Variants in WDR7 observed in about 807,000 individuals in gnomAD.
WDR7 encodes WD repeat domain 7.
Under a neutral mutation model 169.4 loss-of-function variants are expected in WDR7, and 46 were observed. The ratio of observed to expected loss-of-function variants is 0.27; its 90% CI spans 0.21 to 0.35. The LOEUF (loss-of-function observed/expected upper bound fraction) is 0.35. Among genes scored for constraint, WDR7 ranks in the 10% least tolerant of loss-of-function variants. The pLI, the probability that WDR7 is intolerant of heterozygous loss-of-function variation, is 1.00. For missense variants in WDR7, 1,534 were observed against 1,859.3 expected, an observed-to-expected ratio of 0.83 and a Z score of 3.22; for synonymous variants, 612 against 666.8, an observed-to-expected ratio of 0.92 and a Z score of 1.27.
intron 20 of WDR7, among the ~76,000 whole-genome samples, chr18:56,846,628 G>C (rs1273668004): frequency 6.6e-6 from 1 of 152,116 alleles, no homozygotes; most frequent in Admixed American, 6.5e-5. Context: ...AAATGGCTTG[G>C]TGCCATCTCG....
chr18:57,006,844 T>G (rs1266299155), intron 26 of WDR7, among the ~76,000 whole-genome samples: 1 of 152,134 alleles, frequency 6.6e-6, no homozygotes, highest in African/African-American at 2.4e-5. Context: ...ATTTGGTTAA[T>G]TTTTTTGTGT....
intron 22 of WDR7, among the ~76,000 whole-genome samples, chr18:56,928,003 A>G (rs1464232024): frequency 6.6e-6 from 1 of 152,206 alleles, no homozygotes; most frequent in Non-Finnish European, 1.5e-5. Context: ...TGGATCTGTC[A>G]TTTGAGTAGT....
intron 26 of WDR7, among the ~76,000 whole-genome samples, chr18:56,972,394 A>C (rs557691984): frequency 3.9e-4 from 60 of 152,354 alleles, no homozygotes; most frequent in African/African-American, 1.4e-3. Context: ...ACTGAGCAGA[A>C]GTCTATAACG....
intron 19 of WDR7, among the ~76,000 whole-genome samples, chr18:56,792,789 C>G (rs2044514389): frequency 6.6e-6 from 1 of 151,564 alleles, no homozygotes; most frequent in Non-Finnish European, 1.5e-5. Flanking sequence ...CACACACACA[C>G]ACAGACACAC....
At chr18:56,782,413 A>G (rs1042775589) in intron 19 of WDR7, among the ~76,000 whole-genome samples, 1 of 152,106 alleles carries the variant, frequency 6.6e-6, no homozygotes, top group Non-Finnish European at 1.5e-5. Context: ...CTAAATTATA[A>G]TCAATATAAT....
At chr18:57,023,200 A>C (rs1273096292) in intron 27 of WDR7, among the ~76,000 whole-genome samples, 2 of 152,218 alleles carry the variant, frequency 1.3e-5, no homozygotes. Context: ...TAAGAGTCCA[A>C]AAAACAGTAT....
chr18:56,926,877 G>T (rs374995724), intron 22 of WDR7, among the ~76,000 whole-genome samples: 2 of 152,316 alleles, frequency 1.3e-5, no homozygotes, highest in East Asian at 3.9e-4. Flanking sequence ...GCCTGAGATG[G>T]TGGGAAGTGG....
intron 1 of WDR7, among the ~76,000 whole-genome samples, chr18:56,660,851 G>T (rs1259847242): frequency 6.6e-6 from 1 of 152,166 alleles, no homozygotes; most frequent in Non-Finnish European, 1.5e-5. Context: ...TTTAACAGTG[G>T]GGAGGTCATT....
chr18:56,978,100 C>T (rs2047592975), intron 26 of WDR7, among the ~76,000 whole-genome samples: 2 of 152,180 alleles, frequency 1.3e-5, no homozygotes, highest in South Asian at 4.1e-4. Context: ...AGCAGTTTGT[C>T]ATTCATTGGT....
At chr18:56,759,620 C>T (rs955132982) in intron 16 of WDR7, among the ~76,000 whole-genome samples, 1 of 152,076 alleles carries the variant, frequency 6.6e-6, no homozygotes, top group African/African-American at 2.4e-5. Context: ...GTTATGTCTA[C>T]TTAGAGAACT....
At chr18:56,752,604 G>T (rs2043813290) in intron 14 of WDR7, among the ~76,000 whole-genome samples, 1 of 152,188 alleles carries the variant, frequency 6.6e-6, no homozygotes, top group Non-Finnish European at 1.5e-5. Context: ...CTGGGGGAAT[G>T]AATGAATTAA....
intron 20 of WDR7, among the ~76,000 whole-genome samples, chr18:56,877,414 A>G (rs2046038605): frequency 1.3e-5 from 2 of 152,184 alleles, no homozygotes; most frequent in Admixed American, 1.3e-4. Context: ...TTTAGAGGAG[A>G]ACTTTCATGA....
At chr18:56,825,780 G>A (rs1237175146) in intron 20 of WDR7, among the ~76,000 whole-genome samples, 1 of 152,130 alleles carries the variant, frequency 6.6e-6, no homozygotes, top group Non-Finnish European at 1.5e-5. Flanking sequence ...TGTTTGAAAT[G>A]TGAAGAAAAT....
intron 12 of WDR7, among the ~76,000 whole-genome samples, chr18:56,700,485 G>A (rs2025804379): frequency 6.6e-6 from 1 of 150,584 alleles, no homozygotes; most frequent in Admixed American, 6.6e-5. Flanking sequence ...TCGATCTCTC[G>A]ACCTCGTGAT....
intron 25 of WDR7, among the ~76,000 whole-genome samples, chr18:56,948,675 C>T (rs927949117): frequency 1.2e-4 from 19 of 152,286 alleles, no homozygotes; most frequent in Admixed American, 6.5e-4. Flanking sequence ...TGACTTACTG[C>T]CTCCTGTCCT....
intron 16 of WDR7, among the ~76,000 whole-genome samples, chr18:56,762,684 A>G (rs755099799): frequency 2.6e-5 from 4 of 152,010 alleles, no homozygotes; most frequent in African/African-American, 4.8e-5. Context: ...CAATCTTATT[A>G]GTCATTTTAA....
intron 26 of WDR7, among the ~76,000 whole-genome samples, chr18:56,972,655 T>C (rs1396499933): frequency 2.0e-5 from 3 of 152,144 alleles, no homozygotes; most frequent in Non-Finnish European, 4.4e-5. Context: ...AAGCTACTAG[T>C]TTTAAAAGTG....
At chr18:56,768,660 T>G (rs2044105537) in intron 16 of WDR7, among the ~76,000 whole-genome samples, 1 of 152,204 alleles carries the variant, frequency 6.6e-6, no homozygotes, top group Non-Finnish European at 1.5e-5. Context: ...TTCATCTTTC[T>G]ACTTTGGCTT....
intron 18 of WDR7, among the ~76,000 whole-genome samples, chr18:56,781,149 T>C (rs1175438069): frequency 6.6e-6 from 1 of 152,084 alleles, no homozygotes; most frequent in East Asian, 1.9e-4. Flanking sequence ...AAAAAAACAA[T>C]AGCTCTCACA....
Sources: allele counts gnomAD v4.1 joint callset (sites outside exome capture counted in the v4.1 genomes callset), GRCh38; gene constraint gnomAD v4.1.1; transcripts MANE v1.5; gene names NCBI Gene and HGNC (gene_info 2026-07-23, HGNC 2026-07-21).